PCDH9: variants seen among roughly 807,000 people sequenced by gnomAD.
PCDH9 encodes protocadherin 9.
Under a neutral mutation model 70.6 loss-of-function variants are expected in PCDH9, and 24 were observed. That is an observed-to-expected ratio of 0.34 (90% CI 0.25 to 0.48). The LOEUF is 0.48. Ranked by LOEUF, PCDH9 falls within the 20% of genes least tolerant of loss-of-function variation. PCDH9 has a pLI of 0.99. For synonymous variants in PCDH9, 562 were observed against 558.5 expected, an observed-to-expected ratio of 1.01 and a Z score of -0.09; for missense variants, 1,281 against 1,503.6, an observed-to-expected ratio of 0.85 and a Z score of 2.45.
chr13:66,778,579 C>T (rs766415368), intron 3 of PCDH9, among the ~76,000 whole-genome samples: 34 of 152,084 alleles, frequency 2.2e-4, no homozygotes, highest in Non-Finnish European at 3.8e-4. Flanking sequence ...GAAGTAATTG[C>T]GAAAGTTTGA....
chr13:66,993,095 G>A (rs986268236), intron 2 of PCDH9, among the ~76,000 whole-genome samples: 10 of 152,006 alleles, frequency 6.6e-5, no homozygotes, highest in South Asian at 2.1e-4. Context: ...AAAGTGACTC[G>A]TCTCATGAAA....
chr13:66,784,794 A>G (rs2080053877), intron 3 of PCDH9, among the ~76,000 whole-genome samples: 2 of 152,176 alleles, frequency 1.3e-5, no homozygotes, highest in South Asian at 4.1e-4. Context: ...ATATTATTTT[A>G]TATAAATAGG....
intron 3 of PCDH9, among the ~76,000 whole-genome samples, chr13:66,653,139 A>C (rs774276931): frequency 2.8e-4 from 42 of 152,188 alleles, no homozygotes; most frequent in Non-Finnish European, 5.3e-4. Flanking sequence ...AAAAATAGAC[A>C]AATGAGATCA....
intron 3 of PCDH9, among the ~76,000 whole-genome samples, chr13:66,659,444 G>T (rs1031699228): frequency 6.6e-6 from 1 of 152,048 alleles, no homozygotes; most frequent in African/African-American, 2.4e-5. Flanking sequence ...CTCCAAGTCA[G>T]AATGACTTAC....
At chr13:66,515,302 G>T (rs1959679264) in intron 4 of PCDH9, among the ~76,000 whole-genome samples, 1 of 151,906 alleles carries the variant, frequency 6.6e-6, no homozygotes, top group Non-Finnish European at 1.5e-5. Flanking sequence ...ACAAATTCAA[G>T]TTTATTATGC....
intron 2 of PCDH9, chr13:67,210,092 T>C (rs1466629032): frequency 1.3e-5 from 2 of 152,086 alleles, no homozygotes; most frequent in African/African-American, 4.8e-5. Context: ...TGAAATATGC[T>C]AAAGTCACCT....
chr13:67,179,152 A>AT (rs1298772669), intron 2 of PCDH9, among the ~76,000 whole-genome samples: 41 of 151,820 alleles, frequency 2.7e-4, no homozygotes, highest in South Asian at 1.0e-3. Flanking sequence ...TTGGGTTGGC[A>AT]TTTTTTTTAG....
chr13:66,742,002 C>T (rs1368344422), intron 3 of PCDH9, among the ~76,000 whole-genome samples: 10 of 141,114 alleles, frequency 7.1e-5, no homozygotes, highest in South Asian at 4.8e-4. Context: ...CTTTAAAGTT[C>T]ATATGGAACC....
intron 4 of PCDH9, among the ~76,000 whole-genome samples, chr13:66,336,950 T>C (rs1956047498): frequency 6.6e-6 from 1 of 152,032 alleles, no homozygotes; most frequent in Non-Finnish European, 1.5e-5. Flanking sequence ...GTAACAAAAT[T>C]CTCTTTTGCA....
intron 2 of PCDH9, among the ~76,000 whole-genome samples, chr13:67,007,914 T>C (rs2084383367): frequency 6.6e-6 from 1 of 152,158 alleles, no homozygotes; most frequent in Non-Finnish European, 1.5e-5. Context: ...TTAGAACAAC[T>C]GGTACATGGA....
chr13:67,045,338 T>C (rs967654565), intron 2 of PCDH9, among the ~76,000 whole-genome samples: 1 of 152,162 alleles, frequency 6.6e-6, no homozygotes. Flanking sequence ...CTAGATAGTT[T>C]AGCGTATTGT....
intron 4 of PCDH9, among the ~76,000 whole-genome samples, chr13:66,573,737 T>TTTTTG (rs1555308175): frequency 6.6e-6 from 1 of 151,156 alleles, no homozygotes; most frequent in African/African-American, 2.4e-5. Flanking sequence ...AGTTGGGTTT[T>TTTTTG]TTTGTTTGTT....
chr13:66,791,611 TAATAATGTATTACATACATGTA>T (rs1209876307), intron 3 of PCDH9, among the ~76,000 whole-genome samples: 1 of 152,168 alleles, frequency 6.6e-6, no homozygotes, highest in Non-Finnish European at 1.5e-5. Flanking sequence ...AAATAATGTA[TAATAATGTATTACATACATGTA>T]AATAATGTAG....
Position 66,985,846 on chromosome 13 carries a change from C to A in PCDH9, c.3037-82241G>T, listed in dbSNP as rs754979570. On this transcript the variant is annotated intron_variant, in intron 2 of 4. Transcript: ENST00000377865. The stretch of plus-strand genomic sequence containing the variant: ...CAATTTCAATGCAACGCTGCACACC[C>A]TTAATCAATCTGGAGAAAAAAATGT... 4.6e-5 allele frequency: 7 copies of A among 152,064 alleles called. 1 individual carries two copies. In the Middle Eastern group the frequency reaches 0.01, roughly 222 times the overall value. 9.4% of individuals were successfully genotyped at this position (152,064 alleles called of 1,614,324 possible).
At chr13:66,438,004 C>T (rs573568208) in intron 4 of PCDH9, among the ~76,000 whole-genome samples, 13 of 151,994 alleles carry the variant, frequency 8.6e-5, no homozygotes, top group South Asian at 6.2e-4. Context: ...GAGGCTGAGG[C>T]GGGTGGATCA....
chr13:66,398,094 T>C (rs1047488725), intron 4 of PCDH9, among the ~76,000 whole-genome samples: 1 of 152,050 alleles, frequency 6.6e-6, no homozygotes, highest in Non-Finnish European at 1.5e-5. Flanking sequence ...ATATGACTTG[T>C]CCAATATTAT....
At chr13:66,587,427 G>T (rs760210614) in intron 4 of PCDH9, among the ~76,000 whole-genome samples, 3 of 152,058 alleles carry the variant, frequency 2.0e-5, no homozygotes, top group Non-Finnish European at 4.4e-5. Flanking sequence ...ATCTTCATTA[G>T]CTACCATCTT....
chr13:66,778,014 C>T (rs2079927135), intron 3 of PCDH9, among the ~76,000 whole-genome samples: 3 of 151,388 alleles, frequency 2.0e-5, no homozygotes, highest in African/African-American at 4.9e-5. Context: ...TCATCATTCT[C>T]AGTAAACTAT....
intron 2 of PCDH9, among the ~76,000 whole-genome samples, chr13:67,077,358 G>T (rs1351203596): frequency 6.6e-6 from 1 of 151,984 alleles, no homozygotes; most frequent in Non-Finnish European, 1.5e-5. Flanking sequence ...TCACTGGTCT[G>T]CCTGTCCAAC....
Sources: allele counts gnomAD v4.1 joint callset (sites outside exome capture counted in the v4.1 genomes callset), GRCh38; gene constraint gnomAD v4.1.1; transcripts MANE v1.5; gene names NCBI Gene and HGNC (gene_info 2026-07-23, HGNC 2026-07-21).